The following ANKRD24 variants were observed in gnomAD, a reference collection of about 807,000 sequenced individuals.
ANKRD24 encodes the protein ankyrin repeat domain 24.
Under a neutral mutation model 127.8 loss-of-function variants are expected in ANKRD24, and 109 were observed. The observed-to-expected ratio is 0.85, with a 90% confidence interval of 0.73 to 1.00. The LOEUF (loss-of-function observed/expected upper bound fraction) is 1.00, where lower values mean the gene tolerates loss of function less well. Among genes scored for constraint, ANKRD24 ranks in the 50% least tolerant of loss-of-function variants. The pLI is 0.00. For missense variants in ANKRD24, 1,648 were observed against 1,570.2 expected, an observed-to-expected ratio of 1.05 and a Z score of -0.84; for synonymous variants, 743 against 671.1, an observed-to-expected ratio of 1.11 and a Z score of -1.66.
At chr19:4,208,064 T>G in intron 10 of ANKRD24, 96 bp downstream of exon 10, 4 of 1,292,816 alleles carry the variant, frequency 3.1e-6, no homozygotes, top group Non-Finnish European at 4.1e-6. Flanking sequence ...TACCCCCGAT[T>G]GGCTGCATTC....
In ANKRD24 at chr19:4,224,561, C is replaced by A; in HGVS notation, c.*56C>A. On this transcript the variant is annotated 3_prime_UTR_variant, in exon 22 of 22. Transcript: ENST00000318934. The stretch of plus-strand genomic sequence containing the variant: ...ACACCCACGCAGGGACCTCACCCCC[C>A]TGCAGGCCCCTTGCAGACCGGCTTC... 1.3e-6 allele frequency: 2 copies of A among 1,501,272 alleles called. No homozygotes were observed. The highest frequency in any genetic ancestry group is 1.4e-5 in the African/African-American group (1 of 72,088). The allele number at this position is 1,501,272 out of a possible 1,614,324, so 93.0% of individuals were successfully genotyped here. A position where few individuals can be genotyped will look rare whatever the true frequency, so the allele number is the denominator to read the frequency against.
chr19:4,217,878 C>G lies in ANKRD24; in HGVS notation c.2718C>G (p.Ser906=). The stretch of plus-strand genomic sequence containing the variant: ...GCCTGGCCGAGCTGCGGGAGGCCTC[C>G]GAGGCCCTCCGCCAGTCCGTGGTGC... ...RQGLAELREA[S]EALRQSVVPA... The change falls in exon 18 of 22, where the codon TCC becomes TCG. Residue 906 remains serine, a synonymous_variant. Transcript: ENST00000318934. The G allele has an allele frequency of 6.8e-7, 1 of 1,466,098 alleles. No individual in the cohort carries two copies. Among genetic ancestry groups the G allele is most frequent in the Non-Finnish European group, 9.0e-7 (1 of 1,116,072 alleles). The allele number at this position is 1,466,098 out of a possible 1,614,324, so 90.8% of individuals were successfully genotyped here.
In ANKRD24 at chr19:4,224,704, C is replaced by T. The variant is rs1424512338; in HGVS notation, c.*199C>T. On this transcript the variant is annotated 3_prime_UTR_variant, in exon 22 of 22. Transcript: ENST00000318934. The stretch of plus-strand genomic sequence containing the variant: ...CTGGTCTCTGCACGCACACACTGGT[C>T]AGTCTGGACCCGGGCCGTGACTGCC... 2 of 596,768 alleles carry T rather than the reference C, an allele frequency of 3.4e-6. No individual in the cohort carries two copies. The highest frequency in any genetic ancestry group is 3.7e-5 in the African/African-American group (2 of 53,878). 37.0% of individuals were successfully genotyped at this position (596,768 alleles called of 1,614,324 possible).
chr19:4,209,079 G>A (rs1969551646), intron 11 of ANKRD24: 1 of 373,016 alleles, frequency 2.7e-6, no homozygotes, highest in Non-Finnish European at 4.9e-6. Flanking sequence ...GGGGAAGGAA[G>A]CAGATCTGGC....
chr19:4,206,180 TA>T (rs1555715314), intron 7 of ANKRD24, among the ~76,000 whole-genome samples: 1 of 115,054 alleles, frequency 8.7e-6, no homozygotes, highest in Non-Finnish European at 1.9e-5. Context: ...AATAAATAAA[TA>T]AAATTAAATA....
intron 19 of ANKRD24, among the ~76,000 whole-genome samples, chr19:4,220,741 G>T (rs373046914): frequency 7.2e-5 from 11 of 151,818 alleles, no homozygotes; most frequent in African/African-American, 2.7e-4. Flanking sequence ...ATTTTTAGCA[G>T]AGATGGGGTT....
intron 11 of ANKRD24, among the ~76,000 whole-genome samples, 190 bp from the exon 12 acceptor site, chr19:4,209,868 T>C (rs1267574501): frequency 6.6e-6 from 1 of 152,206 alleles, no homozygotes; most frequent in Admixed American, 6.5e-5. Flanking sequence ...GAGTAAGATC[T>C]GGAACTTACA....
At chr19:4,219,317 A>G (rs1970315938) in intron 18 of ANKRD24, among the ~76,000 whole-genome samples, 1 of 151,876 alleles carries the variant, frequency 6.6e-6, no homozygotes. Context: ...AAAAACAAGC[A>G]AATAGTAGCC....
intron 20 of ANKRD24, 30 bp downstream of exon 20, chr19:4,222,825 G>A (rs777710751): frequency 6.3e-7 from 1 of 1,576,490 alleles, no homozygotes; most frequent in Non-Finnish European, 8.7e-7. Flanking sequence ...GGGGCCAGGG[G>A]ACCATCAGGG....
chr19:4,195,767 G>GCA lies in ANKRD24; in HGVS notation c.37-3915_37-3914insAC. On this transcript the variant is annotated intron_variant, in intron 2 of 21. Coordinates refer to ENST00000318934, the MANE Select transcript of ANKRD24 (RefSeq NM_001393985.1). This position sits in a 1 kb window ranked among gnomAD's most constrained non-coding sequence, Gnocchi z 4.2. ...AAATTCGCTAGGCGTGGTGGCGTGT[G>GCA]CCTGTAATCCCAGCTACTCGGGAAG... Among the ~76,000 whole-genome samples the GCA allele has an allele frequency of 6.6e-6, 1 of 152,148 alleles. No homozygotes were observed. Among genetic ancestry groups the GCA allele is most frequent in the Non-Finnish European group, 1.5e-5 (1 of 68,008 alleles).
chr19:4,203,128 A>T (rs1969189069), intron 7 of ANKRD24, among the ~76,000 whole-genome samples: 1 of 151,524 alleles, frequency 6.6e-6, no homozygotes, highest in Non-Finnish European at 1.5e-5. Context: ...GCTCACTGTA[A>T]CATCCATCTC....
chr19:4,184,798 G>A (rs968923884), intron 1 of ANKRD24, among the ~76,000 whole-genome samples: 3 of 148,030 alleles, frequency 2.0e-5, no homozygotes, highest in Middle Eastern at 3.5e-3. Context: ...GATGGGGGGC[G>A]AATAGGTGGA....
chr19:4,216,943 A>C lies in ANKRD24; in HGVS notation c.1783A>C (p.Lys595Gln). 1 of 1,611,514 alleles carries C rather than the reference A, an allele frequency of 6.2e-7. No individual in the cohort carries two copies. Reference sequence around the variant, plus strand: ...CACGGGAGCTGAGGCCACAGGAGCCAAGGTCACAGAAACAAAACCCACAGG... The same window carrying C: ...CACGGGAGCTGAGGCCACAGGAGCCCAGGTCACAGAAACAAAACCCACAGG... ...EATGAEATGA[K>Q]VTETKPTGAE... Residue 595 changes from lysine (K) to glutamine (Q), a missense_variant, in exon 18 of 22, where the codon AAG becomes CAG. By Grantham distance (53) the Lys-to-Gln change is moderately conservative (BLOSUM62 1). Transcript: ENST00000318934.
chr19:4,199,602 C>G lies in ANKRD24; in HGVS notation c.37-81C>G. On this transcript the variant is annotated intron_variant, in intron 2 of 21. Coordinates refer to ENST00000318934, the MANE Select transcript of ANKRD24 (RefSeq NM_001393985.1). The surrounding 1 kb of genome is among the most constrained non-coding windows in gnomAD (Gnocchi z 5.2). ...TTTGTTGGACAACTGGGGTGATGGG[C>G]CTGGGGGCAGATGCTGGGGGTCGCA... The G allele has an allele frequency of 6.9e-7, 1 of 1,459,194 alleles. No homozygotes were observed. Among genetic ancestry groups the G allele is most frequent in the Non-Finnish European group, 9.0e-7 (1 of 1,111,278 alleles). 90.4% of individuals were successfully genotyped at this position (1,459,194 alleles called of 1,614,324 possible). A position where few individuals can be genotyped will look rare whatever the true frequency, so the allele number is the denominator to read the frequency against.
intron 2 of ANKRD24, among the ~76,000 whole-genome samples, chr19:4,191,350 C>T (rs528252954): frequency 1.2e-4 from 19 of 152,232 alleles, no homozygotes; most frequent in African/African-American, 2.9e-4. Flanking sequence ...CCTTGTGTTC[C>T]GTGTCTTCTA....
rs935735493 is a variant in ANKRD24, at chr19:4,207,189, G to A, written c.467-53G>A. The stretch of plus-strand genomic sequence containing the variant: ...ACCTCCTGCCTTGGCCTCCCAAGGT[G>A]CTGGGATTACAGGGTTGAGCTACCG... On this transcript the variant is annotated intron_variant, in intron 7 of 21. Transcript: ENST00000318934. The A allele has an allele frequency of 8.4e-6, 13 of 1,546,770 alleles. No individual in the cohort carries two copies. In the South Asian group the frequency reaches 1.2e-4, roughly 15 times the overall value.
Position 4,219,653 on chromosome 19 carries a change from A to G in ANKRD24, c.3066A>G (p.Thr1022=). ...ACGCAGCCGAGGCACAGCTGGCCAC[A>G]GCAGAGCAGCAGCTACGGGGGCTAC... is the stretch of plus-strand genomic sequence containing the variant. ...ERHAAEAQLA[T]AEQQLRGLRT... The change falls in exon 19 of 22, where the codon ACA becomes ACG. Residue 1022 remains threonine, a synonymous_variant. Coordinates refer to ENST00000318934, the MANE Select transcript of ANKRD24 (RefSeq NM_001393985.1). 6.2e-7 allele frequency: 1 copy of G among 1,613,904 alleles called. No homozygotes were observed. The highest frequency in any genetic ancestry group is 1.1e-5 in the South Asian group (1 of 91,066).
rs909149193 is a variant in ANKRD24, at chr19:4,199,053, G to A, written c.37-630G>A. Reference sequence around the variant, plus strand: ...ATAGTGTTGAGGGGAGAAGCCTCGGGATGTTTAGGGGACAGTGGTGGCATT... The same window carrying A: ...ATAGTGTTGAGGGGAGAAGCCTCGGAATGTTTAGGGGACAGTGGTGGCATT... On this transcript the variant is annotated intron_variant, in intron 2 of 21. Transcript: ENST00000318934. The surrounding 1 kb of genome is among the most constrained non-coding windows in gnomAD (Gnocchi z 5.2). Among the ~76,000 whole-genome samples the A allele has an allele frequency of 6.6e-6, 1 of 152,088 alleles. No homozygotes were observed. The highest frequency in any genetic ancestry group is 1.5e-5 in the Non-Finnish European group (1 of 68,016).
rs750443423 is a variant in ANKRD24, at chr19:4,217,227, C to A, written c.2067C>A (p.Ala689=). The part of the protein sequence containing the change: ...ATGMESTGVS[A]TGVENPGVEA... ...GGATGGAATCCACAGGAGTCAGTGC[C>A]ACAGGTGTGGAGAACCCAGGGGTAG... Residue 689 remains alanine (A), a synonymous_variant, in exon 18 of 22, where the codon GCC becomes GCA. Transcript: ENST00000318934. 2 of 1,600,406 alleles carry A rather than the reference C, an allele frequency of 1.2e-6. No homozygotes were observed. Among genetic ancestry groups the A allele is most frequent in the East Asian group, 2.3e-5 (1 of 44,382 alleles).
Sources: allele counts gnomAD v4.1 joint callset (sites outside exome capture counted in the v4.1 genomes callset), GRCh38; gene constraint gnomAD v4.1.1; non-coding constraint Gnocchi (gnomAD v3.1); transcripts MANE v1.5; gene names NCBI Gene and HGNC (gene_info 2026-07-23, HGNC 2026-07-21).